BRINP2: variants seen among roughly 807,000 people sequenced by gnomAD.
BRINP2 encodes the protein BMP/retinoic acid-inducible neural-specific protein 2.
BRINP2 carries 21 observed loss-of-function variants against 69.2 expected under a neutral mutation model. The observed-to-expected ratio is 0.30, with a 90% CI of 0.22 to 0.44. The LOEUF (loss-of-function observed/expected upper bound fraction) is 0.44, where lower values mean the gene tolerates loss of function less well. Among genes scored for constraint, BRINP2 ranks in the 20% least tolerant of loss-of-function variants. BRINP2 has a pLI of 1.00. For missense variants in BRINP2, 877 were observed against 986.0 expected, an observed-to-expected ratio of 0.89 and a Z score of 1.48; for synonymous variants, 380 against 394.1, an observed-to-expected ratio of 0.96 and a Z score of 0.42.
chr1:177,177,838 C>G (rs1320382278), intron 1 of BRINP2, among the ~76,000 whole-genome samples: 1 of 152,066 alleles, frequency 6.6e-6, no homozygotes, highest in Non-Finnish European at 1.5e-5. Context: ...TGTAGATGCT[C>G]AACAAATGTT....
At chr1:177,250,772 T>C (rs973678433) in intron 2 of BRINP2, among the ~76,000 whole-genome samples, 3 of 152,222 alleles carry the variant, frequency 2.0e-5, no homozygotes, top group Admixed American at 6.5e-5. Context: ...CCTCAGAGTT[T>C]CACAGGTGGA....
Position 177,202,180 on chromosome 1 carries a change from G to GT in BRINP2, c.-76-27615dup, listed in dbSNP as rs1375568553. Among the ~76,000 whole-genome samples, 152 of 152,140 alleles carry GT rather than the reference G, an allele frequency of 1.0e-3. 1 individual carries two copies. The highest frequency in any genetic ancestry group is 3.4e-3 in the Middle Eastern group (1 of 292). On this transcript the variant is annotated intron_variant, in intron 1 of 7. Transcript: ENST00000361539. The stretch of plus-strand genomic sequence containing the variant: ...CCTGGATTCATTGATTTTTTGAAGG[G>GT]TTTTTTGTGTCTCTATTTCCTTCAG...
chr1:177,196,161 T>A (rs1395328089), intron 1 of BRINP2, among the ~76,000 whole-genome samples: 2 of 152,338 alleles, frequency 1.3e-5, no homozygotes, highest in East Asian at 3.9e-4. Flanking sequence ...TAATGTTGAA[T>A]GAAGTGTGCA....
chr1:177,281,427 C>T lies in BRINP2; in HGVS notation c.2251C>T (p.Leu751=). 1 of 1,614,128 alleles carries T rather than the reference C, an allele frequency of 6.2e-7. No individual in the cohort carries two copies. The highest frequency in any genetic ancestry group is 8.5e-7 in the Non-Finnish European group (1 of 1,180,050). The change falls in exon 8 of 8, where the codon CTG becomes TTG. Residue 751 remains leucine (L), a synonymous_variant. Coordinates refer to ENST00000361539, the MANE Select transcript of BRINP2 (RefSeq NM_021165.4). ...FSCLLRHRLK[L]ANNEVGRIQS... Reference sequence around the variant, plus strand: ...CTGCTTGCTCCGGCATCGGCTTAAGCTGGCCAACAATGAGGTGGGCAGGAT... The same window carrying T: ...CTGCTTGCTCCGGCATCGGCTTAAGTTGGCCAACAATGAGGTGGGCAGGAT...
Position 177,256,206 on chromosome 1 carries a change from C to T in BRINP2, c.460+97C>T, listed in dbSNP as rs1242311786. 2.7e-6 allele frequency: 4 copies of T among 1,460,298 alleles called. No individual in the cohort carries two copies. The African/African-American group carries it at 4.3e-5, about 16-fold the overall frequency. 90.5% of individuals were successfully genotyped at this position (1,460,298 alleles called of 1,614,324 possible). A position where few individuals can be genotyped will look rare whatever the true frequency, so the allele number is the denominator to read the frequency against. On this transcript the variant is annotated intron_variant, in intron 3 of 7. Coordinates refer to ENST00000361539, the MANE Select transcript of BRINP2 (RefSeq NM_021165.4). ...TAGCTCCAACAGTCTTATCTTCTTCCGGGCCTTTTATTGCCTGAGAAGTCT... is the reference window on the plus strand; with the variant it reads ...TAGCTCCAACAGTCTTATCTTCTTCTGGGCCTTTTATTGCCTGAGAAGTCT...
intron 1 of BRINP2, among the ~76,000 whole-genome samples, chr1:177,186,346 G>A (rs1235050636): frequency 6.6e-6 from 1 of 152,102 alleles, no homozygotes; most frequent in African/African-American, 2.4e-5. Context: ...AAAAAAGGAG[G>A]ATAGACTAAT....
intron 1 of BRINP2, among the ~76,000 whole-genome samples, chr1:177,185,218 G>A (rs185675814): frequency 3.3e-5 from 5 of 152,152 alleles, no homozygotes; most frequent in African/African-American, 4.8e-5. Flanking sequence ...ATAGGCACTC[G>A]GAGGTTCACA....
Position 177,175,461 on chromosome 1 carries a change from T to A in BRINP2, c.-77+3729T>A, listed in dbSNP as rs193199338. Among the ~76,000 whole-genome samples, 147 of 152,214 alleles carry A rather than the reference T, an allele frequency of 9.7e-4. 2 individuals are homozygous for A. The highest frequency in any genetic ancestry group is 1.9e-3 in the Non-Finnish European group (129 of 68,014). On this transcript the variant is annotated intron_variant, in intron 1 of 7. Transcript: ENST00000361539. Reference sequence around the variant, plus strand: ...CACACATTTGCTCCCACAGTGGGCATCTCTCCCAGAGGAAAGGTCAAGGCA... The same window carrying A: ...CACACATTTGCTCCCACAGTGGGCAACTCTCCCAGAGGAAAGGTCAAGGCA...
intron 2 of BRINP2, among the ~76,000 whole-genome samples, chr1:177,233,526 GT>G (rs1649926760): frequency 6.6e-6 from 1 of 152,174 alleles, no homozygotes; most frequent in Admixed American, 6.5e-5. Context: ...AATCATAGGT[GT>G]TTTTTGCTTT....
chr1:177,185,445 C>A (rs896382767), intron 1 of BRINP2, among the ~76,000 whole-genome samples: 1 of 152,050 alleles, frequency 6.6e-6, no homozygotes, highest in African/African-American at 2.4e-5. Flanking sequence ...ATATTGCAGC[C>A]CAGCCATATT....
chr1:177,256,674 G>A, intron 3 of BRINP2: 1 of 1,040,076 alleles, frequency 9.6e-7, no homozygotes, highest in African/African-American at 1.7e-5. Context: ...CTGGGAAGAA[G>A]GAAGCAGGAT....
At chr1:177,262,928 C>T (rs10798508) in intron 4 of BRINP2, among the ~76,000 whole-genome samples, 87,378 of 151,932 alleles carry the variant, frequency 0.58, 25,539 homozygotes, top group South Asian at 0.64. Context: ...TCAGCATAGT[C>T]GTAAGTTTTA....
At chr1:177,264,405 A>G (rs139641635) in intron 4 of BRINP2, among the ~76,000 whole-genome samples, 10 of 152,344 alleles carry the variant, frequency 6.6e-5, no homozygotes, top group Admixed American at 1.3e-4. Flanking sequence ...GCACAAGACA[A>G]GGATGCCCTC....
At chr1:177,266,702 G>A (rs1290246410) in intron 4 of BRINP2, among the ~76,000 whole-genome samples, 1 of 146,442 alleles carries the variant, frequency 6.8e-6, no homozygotes, top group African/African-American at 2.5e-5. Flanking sequence ...GGAGCTTGCA[G>A]TGAGTCGAGA....
chr1:177,248,474 T>TGTGTGTGTGTGTGTGCGTGC (rs1650465051), intron 2 of BRINP2, among the ~76,000 whole-genome samples: 1 of 147,020 alleles, frequency 6.8e-6, no homozygotes, highest in Non-Finnish European at 1.5e-5. Context: ...TGTGTGTGCG[T>TGTGTGTGTGTGTGTGCGTGC]GTGTGTGTGT....
intron 1 of BRINP2, among the ~76,000 whole-genome samples, chr1:177,214,275 A>G (rs968706363): frequency 6.6e-6 from 1 of 152,166 alleles, no homozygotes; most frequent in African/African-American, 2.4e-5. Flanking sequence ...TCTGCTAAAA[A>G]TACAAAAATT....
chr1:177,206,726 A>G (rs967909767), intron 1 of BRINP2, among the ~76,000 whole-genome samples: 1 of 152,150 alleles, frequency 6.6e-6, no homozygotes, highest in African/African-American at 2.4e-5. Flanking sequence ...GGAAGCATGA[A>G]AGGCACTAGG....
chr1:177,215,850 T>C (rs1649360661), intron 1 of BRINP2, among the ~76,000 whole-genome samples: 1 of 152,130 alleles, frequency 6.6e-6, no homozygotes, highest in African/African-American at 2.4e-5. Context: ...TTACAATTGT[T>C]ATATCCTCTT....
At chr1:177,184,744 A>G (rs1648378070) in intron 1 of BRINP2, among the ~76,000 whole-genome samples, 1 of 151,274 alleles carries the variant, frequency 6.6e-6, no homozygotes. Flanking sequence ...AATAACAAAA[A>G]CCCCAATACC....
Sources: gnomAD v4.1 joint callset for allele counts (sites outside exome capture counted in the v4.1 genomes callset) on GRCh38, gnomAD v4.1.1 for gene constraint, MANE v1.5 for transcripts, NCBI Gene and HGNC (gene_info 2026-07-23, HGNC 2026-07-21) for gene names.